The following DNAJC5B variants were observed in gnomAD, a reference collection of about 807,000 sequenced individuals.
The protein encoded by DNAJC5B is DnaJ heat shock protein family (Hsp40) member C5 beta, also known as dnaJ homolog subfamily C member 5B.
A neutral mutation model predicts 24.7 loss-of-function variants in DNAJC5B; 23 were observed. The ratio of observed to expected loss-of-function variants is 0.93; its 90% CI spans 0.67 to 1.32. DNAJC5B has a LOEUF of 1.32. Ranked by LOEUF, DNAJC5B falls within the 40% of genes most tolerant of loss-of-function variation. The pLI, the probability that DNAJC5B is intolerant of heterozygous loss-of-function variation, is 0.00. For synonymous variants in DNAJC5B, 101 were observed against 90.1 expected, an observed-to-expected ratio of 1.12 and a Z score of -0.68; for missense variants, 238 against 240.8, an observed-to-expected ratio of 0.99 and a Z score of 0.08.
At chr8:66,055,856 C>A (rs557151573) in intron 3 of DNAJC5B, among the ~76,000 whole-genome samples, 1 of 152,212 alleles carries the variant, frequency 6.6e-6, no homozygotes, top group Admixed American at 6.5e-5. Flanking sequence ...GCACGAGAAT[C>A]GCTTGAACCT....
chr8:66,082,886 A>G (rs1039278988), intron 5 of DNAJC5B, among the ~76,000 whole-genome samples: 18 of 152,060 alleles, frequency 1.2e-4, no homozygotes, highest in African/African-American at 4.1e-4. Context: ...CAATTGTTTA[A>G]TTAACTGTCT....
intron 3 of DNAJC5B, among the ~76,000 whole-genome samples, chr8:66,054,760 C>G (rs1022711574): frequency 6.6e-6 from 1 of 152,124 alleles, no homozygotes; most frequent in African/African-American, 2.4e-5. Context: ...TTTGCTGTTT[C>G]ATTTTGCCCT....
intron 2 of DNAJC5B, among the ~76,000 whole-genome samples, chr8:66,047,704 A>G (rs1265726803): frequency 1.3e-5 from 2 of 152,014 alleles, no homozygotes; most frequent in African/African-American, 2.4e-5. Flanking sequence ...TTTATGGAAC[A>G]TAGCCCTGTG....
intron 1 of DNAJC5B, among the ~76,000 whole-genome samples, chr8:66,022,211 C>A (rs546067669): frequency 1.3e-5 from 2 of 152,312 alleles, no homozygotes; most frequent in East Asian, 3.9e-4. Context: ...CCGCCCCCAG[C>A]AACTCCTGCC....
chr8:66,062,144 T>A (rs868558372), intron 3 of DNAJC5B, among the ~76,000 whole-genome samples: 1 of 152,254 alleles, frequency 6.6e-6, no homozygotes, highest in South Asian at 2.1e-4. Context: ...CCTAGCACCA[T>A]GCTAGTATTT....
At chr8:66,036,467 A>T (rs1806487230) in intron 1 of DNAJC5B, among the ~76,000 whole-genome samples, 2 of 152,216 alleles carry the variant, frequency 1.3e-5, no homozygotes, top group African/African-American at 4.8e-5. Flanking sequence ...GCAAAACTCT[A>T]GTTTCAGAAG....
chr8:66,030,579 A>G (rs567300806), intron 1 of DNAJC5B, among the ~76,000 whole-genome samples: 2 of 151,938 alleles, frequency 1.3e-5, no homozygotes, highest in African/African-American at 2.4e-5. Flanking sequence ...TAGAGTGGGG[A>G]GATCTCCTTC....
intron 5 of DNAJC5B, among the ~76,000 whole-genome samples, chr8:66,090,658 T>C (rs1159623585): frequency 6.6e-6 from 1 of 152,116 alleles, no homozygotes; most frequent in African/African-American, 2.4e-5. Context: ...ACACAACCAC[T>C]GAGATGAAGA....
chr8:66,039,285 A>C (rs1036412061), intron 1 of DNAJC5B, among the ~76,000 whole-genome samples: 8 of 151,772 alleles, frequency 5.3e-5, no homozygotes, highest in African/African-American at 1.7e-4. Context: ...CAATTCACTC[A>C]ACCTCCTCAA....
chr8:66,021,174 T>C (rs1806112499), upstream of DNAJC5B, among the ~76,000 whole-genome samples: 1 of 152,140 alleles, frequency 6.6e-6, no homozygotes, highest in Non-Finnish European at 1.5e-5. Flanking sequence ...AAATGGTCTC[T>C]TGTTGTGGGT....
In DNAJC5B at chr8:66,021,688, A is replaced by T. The variant is rs1806126200; in HGVS notation, c.-159A>T. ...AGGACTTGCCAGTGTCTAGATGAAA[A>T]AGAGGAGAGATCTCAAGGTGAGTGT... On this transcript the variant is annotated 5_prime_UTR_variant, in exon 1 of 6. It introduces an in-frame stop codon into an upstream open reading frame of the 5' UTR. Coordinates refer to ENST00000276570, the MANE Select transcript of DNAJC5B (RefSeq NM_033105.6). The T allele has an allele frequency of 6.6e-6, 1 of 152,330 alleles. No homozygotes were observed. Among genetic ancestry groups the T allele is most frequent in the Admixed American group, 6.5e-5 (1 of 15,276 alleles). 9.4% of individuals were successfully genotyped at this position (152,330 alleles called of 1,614,324 possible).
chr8:66,041,620 A>C (rs1806611075), intron 1 of DNAJC5B, among the ~76,000 whole-genome samples: 1 of 152,190 alleles, frequency 6.6e-6, no homozygotes, highest in African/African-American at 2.4e-5. Context: ...TGGAAGATAT[A>C]CTAAGTTCTT....
intron 2 of DNAJC5B, among the ~76,000 whole-genome samples, chr8:66,047,503 C>T (rs1806746527): frequency 6.6e-6 from 1 of 152,220 alleles, no homozygotes; most frequent in South Asian, 2.1e-4. Flanking sequence ...CCCATTTTAA[C>T]TCTCAGAAAA....
intron 1 of DNAJC5B, among the ~76,000 whole-genome samples, chr8:66,024,543 A>G (rs1430990314): frequency 8.2e-6 from 1 of 122,136 alleles, no homozygotes; most frequent in African/African-American, 3.7e-5. Flanking sequence ...GTCATCTAGC[A>G]TTAGGTATAT....
intron 1 of DNAJC5B, among the ~76,000 whole-genome samples, chr8:66,032,400 A>C (rs1806378671): frequency 6.6e-6 from 1 of 152,232 alleles, no homozygotes; most frequent in African/African-American, 2.4e-5. Flanking sequence ...CAGAGCATGA[A>C]TAGTTGCTGG....
chr8:66,064,675 A>G (rs1807151878), intron 3 of DNAJC5B, among the ~76,000 whole-genome samples: 1 of 152,188 alleles, frequency 6.6e-6, no homozygotes, highest in African/African-American at 2.4e-5. Flanking sequence ...TGCAGCCTAC[A>G]GATTCTGAGT....
At chr8:66,020,357 G>T, upstream of DNAJC5B, among the ~76,000 whole-genome samples, 1 of 152,168 alleles carries the variant, frequency 6.6e-6, no homozygotes, top group East Asian at 1.9e-4. Context: ...TATTATGAAA[G>T]CCCAATATAT....
At position 66,080,490 on chromosome 8, in the gene DNAJC5B, G is replaced by C; in HGVS notation, c.447G>C (p.Glu149Asp). 2 of 1,613,844 alleles carry C rather than the reference G, an allele frequency of 1.2e-6. No individual in the cohort carries two copies. The highest frequency in any genetic ancestry group is 1.7e-6 in the Non-Finnish European group (2 of 1,179,918). ...GGCCCGAGTCATCAGTGCCAGAAGA[G>C]GACTTCTATGTGTCCCCAGAGGATC... is the stretch of plus-strand genomic sequence containing the variant. Reference protein sequence around the residue: ...HCRPESSVPEEDFYVSPEDLE... With the variant: ...HCRPESSVPEDDFYVSPEDLE... The change falls in exon 5 of 6, where the codon GAG (glutamate) becomes GAC (aspartate). Residue 149 changes from glutamate to aspartate, a missense_variant. By Grantham distance (45) the Glu-to-Asp change is conservative. Transcript: ENST00000276570.
chr8:66,018,391 G>A (rs1047417696), upstream of DNAJC5B, among the ~76,000 whole-genome samples: 1 of 149,418 alleles, frequency 6.7e-6, no homozygotes, highest in African/African-American at 2.5e-5. Context: ...GGTGGGGGGG[G>A]TGCCTGTAAG....
Sources: gnomAD v4.1 joint callset for allele counts (sites outside exome capture counted in the v4.1 genomes callset) on GRCh38, gnomAD v4.1.1 for gene constraint, MANE v1.5 for transcripts, NCBI Gene and HGNC (gene_info 2026-07-23, HGNC 2026-07-21) for gene names.